Variants in DNAH8 observed in about 807,000 individuals in gnomAD.
DNAH8 encodes dynein axonemal heavy chain 8, also known as axonemal beta dynein heavy chain 8.
DNAH8 carries 382 observed loss-of-function variants against 562.1 expected under a neutral mutation model. The observed-to-expected ratio is 0.68, with a 90% CI of 0.63 to 0.74. DNAH8 has a LOEUF of 0.74. DNAH8 is among the 30% of genes least tolerant of loss of function. DNAH8 has a pLI of 0.00. For missense variants in DNAH8, 5,203 were observed against 5,620.4 expected, an observed-to-expected ratio of 0.93 and a Z score of 2.37; for synonymous variants, 1,881 against 1,919.4, an observed-to-expected ratio of 0.98 and a Z score of 0.52.
intron 87 of DNAH8, among the ~76,000 whole-genome samples, chr6:38,986,693 G>A (rs1234758008): frequency 6.6e-5 from 10 of 152,342 alleles, no homozygotes; most frequent in Admixed American, 2.6e-4. Flanking sequence ...TTCACCAAGA[G>A]TAACAGCAGA....
intron 53 of DNAH8, among the ~76,000 whole-genome samples, chr6:38,876,293 C>T (rs546284269): frequency 3.9e-5 from 6 of 152,300 alleles, no homozygotes; most frequent in Admixed American, 3.9e-4. Flanking sequence ...CCATGTATGG[C>T]CGGGCCCAGC....
At chr6:38,843,239 T>C (rs1774976647) in intron 35 of DNAH8, among the ~76,000 whole-genome samples, 1 of 151,872 alleles carries the variant, frequency 6.6e-6, no homozygotes, top group Admixed American at 6.5e-5. Flanking sequence ...ATTTTCCAAA[T>C]TTCTAATTTT....
At chr6:38,885,326 C>T (rs996702548) in intron 56 of DNAH8, among the ~76,000 whole-genome samples, 3 of 152,160 alleles carry the variant, frequency 2.0e-5, no homozygotes, top group Admixed American at 6.5e-5. Context: ...GCTCTATCTT[C>T]ACACTGTATC....
chr6:38,822,208 G>A (rs945394039), intron 26 of DNAH8: 4 of 111,634 alleles, frequency 3.6e-5, no homozygotes, highest in African/African-American at 1.6e-4. Flanking sequence ...TAGAGTAGGT[G>A]GATCTGCCTA....
At chr6:38,789,277 A>T (rs1562790747) in intron 18 of DNAH8, among the ~76,000 whole-genome samples, 2 of 152,180 alleles carry the variant, frequency 1.3e-5, no homozygotes, top group African/African-American at 4.8e-5. Context: ...AGATAAAGTA[A>T]CTCGAATCTG....
In DNAH8 at chr6:38,783,074, T is replaced by C. The variant is rs1406007553; in HGVS notation, c.2330T>C (p.Val777Ala). Reference sequence around the variant, plus strand: ...CGTCAGTATAACAAGATCTCCTATGTGCTGGTGGAATTCGAGGTGGTCTAT... The same window carrying C: ...CGTCAGTATAACAAGATCTCCTATGCGCTGGTGGAATTCGAGGTGGTCTAT... ...VIRQYNKISY[V>A]LVEFEVVYHT... Residue 777 changes from valine (V) to alanine (A), a missense_variant, in exon 17 of 93, where the codon GTG becomes GCG. Physicochemically the swap from Val to Ala is moderately conservative, Grantham distance 64 (BLOSUM62 0). This residue lies in a region of DNAH8 where 2,176 missense variants were observed against 2,365.1 expected (regional missense o/e 0.92). Transcript: ENST00000327475. 6.2e-7 allele frequency: 1 copy of C among 1,613,976 alleles called. No individual in the cohort carries two copies.
chr6:38,887,199 TA>T (rs1561818886), intron 57 of DNAH8, among the ~76,000 whole-genome samples, 195 bp downstream of exon 57: 1 of 152,200 alleles, frequency 6.6e-6, no homozygotes, highest in African/African-American at 2.4e-5. Flanking sequence ...CAGAGATATT[TA>T]AAAATAGGCT....
At chr6:38,789,964 C>T (rs1769552032) in intron 19 of DNAH8, 81 bp downstream of exon 19, 3 of 1,075,582 alleles carry the variant, frequency 2.8e-6, no homozygotes, top group Non-Finnish European at 4.2e-6. Context: ...GATTTTGGAA[C>T]ATCTATTCTT....
intron 70 of DNAH8, among the ~76,000 whole-genome samples, chr6:38,919,939 C>A (rs887880571): frequency 1.3e-5 from 2 of 152,028 alleles, no homozygotes; most frequent in Non-Finnish European, 2.9e-5. Context: ...ATAAAAATAA[C>A]ATTAAAAATT....
intron 5 of DNAH8, among the ~76,000 whole-genome samples, chr6:38,735,699 T>C (rs1326912455): frequency 6.6e-6 from 1 of 152,242 alleles, no homozygotes; most frequent in African/African-American, 2.4e-5. Context: ...AAAAGTCCTT[T>C]TATGAAATAG....
chr6:38,779,900 T>C, intron 14 of DNAH8, 66 bp from the exon 15 acceptor site: 1 of 1,415,110 alleles, frequency 7.1e-7, no homozygotes, highest in Non-Finnish European at 9.9e-7. Context: ...GGATGGTTAG[T>C]ATGACAGCAA....
At chr6:38,716,375 A>G (rs1406285469) in intron 1 of DNAH8, among the ~76,000 whole-genome samples, 1 of 151,798 alleles carries the variant, frequency 6.6e-6, no homozygotes, top group Non-Finnish European at 1.5e-5. Context: ...AAGTCTCATC[A>G]CTGAATTTAC....
At chr6:38,780,212 G>A in intron 15 of DNAH8, 147 bp downstream of exon 15, 1 of 773,644 alleles carries the variant, frequency 1.3e-6, no homozygotes, top group Non-Finnish European at 2.0e-6. Flanking sequence ...TGTGTGGGAA[G>A]GTGCTTGACA....
chr6:38,973,818 G>C lies in DNAH8; in HGVS notation c.12678+5G>C. The stretch of plus-strand genomic sequence containing the variant: ...TTTCCAATTACATTGCTTCAGGTTT[G>C]TTACTAAACGTCTTTTCATCGAGAG... On this transcript the variant is annotated splice_donor_5th_base_variant and intron_variant, in intron 84 of 92. Transcript: ENST00000327475. 2 of 1,586,652 alleles carry C rather than the reference G, an allele frequency of 1.3e-6. No homozygotes were observed. The highest frequency in any genetic ancestry group is 1.7e-6 in the Non-Finnish European group (2 of 1,170,072).
At chr6:38,899,132 A>G (rs1324544970) in intron 61 of DNAH8, among the ~76,000 whole-genome samples, 2 of 152,208 alleles carry the variant, frequency 1.3e-5, no homozygotes, top group African/African-American at 4.8e-5. Context: ...ATAATATAAA[A>G]GACAGCTTTT....
chr6:38,919,788 GCTT>G (rs974416640), intron 70 of DNAH8, among the ~76,000 whole-genome samples: 9 of 152,112 alleles, frequency 5.9e-5, no homozygotes, highest in African/African-American at 9.7e-5. Context: ...AGTTACCAAA[GCTT>G]CTGTGATATG....
intron 86 of DNAH8, among the ~76,000 whole-genome samples, 200 bp from the exon 87 acceptor site, chr6:38,984,006 A>T (rs1053562330): frequency 4.6e-5 from 7 of 152,076 alleles, no homozygotes; most frequent in Admixed American, 2.6e-4. Flanking sequence ...AGTATTGTAG[A>T]TTTTTTCTTG....
At chr6:38,937,508 T>C (rs1783069178) in intron 77 of DNAH8, among the ~76,000 whole-genome samples, 1 of 151,872 alleles carries the variant, frequency 6.6e-6, no homozygotes, top group African/African-American at 2.4e-5. Flanking sequence ...GTGTGAGGAG[T>C]GTACCATTCA....
chr6:38,934,470 A>G (rs989064691), intron 76 of DNAH8, among the ~76,000 whole-genome samples: 1 of 152,184 alleles, frequency 6.6e-6, no homozygotes, highest in African/African-American at 2.4e-5. Flanking sequence ...CTTTTGATTG[A>G]CTGGTTCAGG....
Sources: gnomAD v4.1 joint callset for allele counts (sites outside exome capture counted in the v4.1 genomes callset) on GRCh38, gnomAD v4.1.1 for gene constraint, gnomAD v4.1.1 regional missense constraint, MANE v1.5 for transcripts, NCBI Gene and HGNC (gene_info 2026-07-23, HGNC 2026-07-21) for gene names.